Variants in EXOC4 observed in about 807,000 individuals in gnomAD.
EXOC4 encodes SEC8-like 1.
Under a neutral mutation model 107.2 loss-of-function variants are expected in EXOC4, and 71 were observed. The observed-to-expected ratio is 0.66, with a 90% CI of 0.55 to 0.81. The LOEUF (loss-of-function observed/expected upper bound fraction) is 0.81, where lower values mean the gene tolerates loss of function less well. Among genes scored for constraint, EXOC4 ranks in the 30% least tolerant of loss-of-function variants. EXOC4 has a pLI of 0.00. For missense variants in EXOC4, 1,108 were observed against 1,189.6 expected, an observed-to-expected ratio of 0.93 and a Z score of 1.01; for synonymous variants, 456 against 441.2, an observed-to-expected ratio of 1.03 and a Z score of -0.42.
chr7:133,945,263 C>G (rs574276468), intron 14 of EXOC4, among the ~76,000 whole-genome samples: 1 of 152,134 alleles, frequency 6.6e-6, no homozygotes, highest in Non-Finnish European at 1.5e-5. Flanking sequence ...TTAACATATC[C>G]CCAGGCAATT....
At chr7:133,994,757 T>TTGTG (rs68167254) in intron 14 of EXOC4, among the ~76,000 whole-genome samples, 2,383 of 148,572 alleles carry the variant, frequency 0.016, 80 homozygotes, top group African/African-American at 0.055. Context: ...GTACAAGGTT[T>TTGTG]TGTGTGTGTG....
chr7:133,890,389 T>C (rs1345130238), intron 11 of EXOC4, among the ~76,000 whole-genome samples: 1 of 68,562 alleles, frequency 1.5e-5, no homozygotes, highest in African/African-American at 2.0e-4. Flanking sequence ...TTCACTCTGA[T>C]GGTAGTTTCT....
intron 14 of EXOC4, among the ~76,000 whole-genome samples, chr7:133,957,881 G>A (rs1800852675): frequency 6.6e-6 from 1 of 152,184 alleles, no homozygotes. Context: ...AATTAGTCAT[G>A]TGTATTACTT....
chr7:133,955,453 G>A (rs1800795009), intron 14 of EXOC4, among the ~76,000 whole-genome samples: 1 of 152,186 alleles, frequency 6.6e-6, no homozygotes. Context: ...CCTGTCGAGT[G>A]CTTAAGTCTG....
At chr7:133,471,351 G>A (rs1411195003) in intron 7 of EXOC4, among the ~76,000 whole-genome samples, 2 of 151,240 alleles carry the variant, frequency 1.3e-5, no homozygotes, top group Non-Finnish European at 2.9e-5. Context: ...GGTGGAGGTT[G>A]CAGTGAGCCA....
intron 10 of EXOC4, among the ~76,000 whole-genome samples, chr7:133,781,261 T>TA (rs575061365): frequency 2.6e-4 from 39 of 152,340 alleles, no homozygotes; most frequent in African/African-American, 7.9e-4. Flanking sequence ...TTCTCGTCCA[T>TA]TTCTTCACAC....
intron 10 of EXOC4, among the ~76,000 whole-genome samples, chr7:133,755,147 A>G (rs1160553226): frequency 6.8e-6 from 1 of 147,492 alleles, no homozygotes; most frequent in African/African-American, 2.5e-5. Context: ...TTTCTGCAAG[A>G]CTTACTTGAA....
chr7:133,548,213 T>C (rs1800519418), intron 9 of EXOC4, among the ~76,000 whole-genome samples: 1 of 152,090 alleles, frequency 6.6e-6, no homozygotes, highest in Non-Finnish European at 1.5e-5. Flanking sequence ...TTTGCTTGAC[T>C]ATAAGGACTC....
chr7:133,819,628 G>A (rs1797461717), intron 11 of EXOC4, among the ~76,000 whole-genome samples: 2 of 152,230 alleles, frequency 1.3e-5, no homozygotes, highest in South Asian at 4.1e-4. Context: ...ACTTTTATGT[G>A]TTGTCTGACC....
intron 7 of EXOC4, among the ~76,000 whole-genome samples, chr7:133,461,299 T>G (rs1204292062): frequency 6.6e-6 from 1 of 152,140 alleles, no homozygotes; most frequent in Non-Finnish European, 1.5e-5. Context: ...CCAAACCCCC[T>G]TATCTCCTGG....
intron 9 of EXOC4, among the ~76,000 whole-genome samples, chr7:133,530,332 AT>A (rs1241858076): frequency 2.6e-5 from 4 of 152,294 alleles, no homozygotes; most frequent in Admixed American, 6.5e-5. Context: ...TTGCTAGTTG[AT>A]TTCATAGTTG....
chr7:133,763,426 A>C (rs983245164), intron 10 of EXOC4, among the ~76,000 whole-genome samples: 3 of 152,144 alleles, frequency 2.0e-5, no homozygotes, highest in Non-Finnish European at 4.4e-5. Context: ...AGTGGTAAAG[A>C]GTACAGTTTT....
intron 11 of EXOC4, among the ~76,000 whole-genome samples, chr7:133,863,565 A>T (rs1798577534): frequency 6.6e-6 from 1 of 152,206 alleles, no homozygotes; most frequent in Admixed American, 6.5e-5. Context: ...AGAGTCCAGC[A>T]AGAGAGGCTT....
intron 12 of EXOC4, among the ~76,000 whole-genome samples, chr7:133,908,127 A>G (rs998805264): frequency 1.3e-5 from 2 of 152,288 alleles, no homozygotes; most frequent in East Asian, 1.9e-4. Context: ...TCTCCTACCC[A>G]ACTCACTCTA....
rs549669123 is a variant in EXOC4 at position 133,834,598 on chromosome 7, G to C, written c.1734+17054G>C. Reference sequence around the variant, plus strand: ...TTTGTTCCAGTGTTCAATTTCGTTAGGATTTTGAGCGTTATTCCTAACAAG... The same window carrying C: ...TTTGTTCCAGTGTTCAATTTCGTTACGATTTTGAGCGTTATTCCTAACAAG... On this transcript the variant is annotated intron_variant, in intron 11 of 17. Coordinates refer to ENST00000253861, the MANE Select transcript of EXOC4 (RefSeq NM_021807.4). Among the ~76,000 whole-genome samples the C allele has an allele frequency of 2.0e-4, 31 of 152,330 alleles. No homozygotes were observed. The South Asian group carries it at 4.4e-3, about 21-fold the overall frequency.
chr7:133,555,557 A>G (rs1315104180), intron 9 of EXOC4, among the ~76,000 whole-genome samples: 2 of 152,166 alleles, frequency 1.3e-5, no homozygotes, highest in African/African-American at 4.8e-5. Context: ...GATTTTAGAA[A>G]TACTTACTTT....
intron 17 of EXOC4, among the ~76,000 whole-genome samples, chr7:134,044,817 A>G (rs1198297894): frequency 6.6e-6 from 1 of 152,206 alleles, no homozygotes; most frequent in Non-Finnish European, 1.5e-5. Context: ...GCTTTCACAA[A>G]TATGATTTCA....
intron 7 of EXOC4, among the ~76,000 whole-genome samples, chr7:133,438,593 A>T (rs1798029503): frequency 6.6e-6 from 1 of 152,176 alleles, no homozygotes; most frequent in Non-Finnish European, 1.5e-5. Context: ...AGAAATTCTA[A>T]TTCATTTGGT....
At chr7:133,515,458 A>T (rs1429920957) in intron 9 of EXOC4, among the ~76,000 whole-genome samples, 5 of 152,096 alleles carry the variant, frequency 3.3e-5, no homozygotes, top group Non-Finnish European at 7.4e-5. Flanking sequence ...TTACATATAC[A>T]TATACATATA....
Sources: gnomAD v4.1 joint callset for allele counts (sites outside exome capture counted in the v4.1 genomes callset) on GRCh38, gnomAD v4.1.1 for gene constraint, MANE v1.5 for transcripts, NCBI Gene and HGNC (gene_info 2026-07-23, HGNC 2026-07-21) for gene names.